UGT2B4: variants seen among roughly 807,000 people sequenced by gnomAD.
UGT2B4 encodes the protein UDP-glucuronosyltransferase 2B4.
A neutral mutation model predicts 49.8 loss-of-function variants in UGT2B4; 49 were observed. The ratio of observed to expected loss-of-function variants is 0.98; its 90% CI spans 0.78 to 1.25. UGT2B4 has a LOEUF of 1.25. Among genes scored for constraint, UGT2B4 ranks in the 50% most tolerant of loss-of-function variants. UGT2B4 has a pLI of 0.00. For synonymous variants in UGT2B4, 246 were observed against 217.7 expected (o/e 1.13, Z -1.14); for missense variants, 729 against 627.7 (o/e 1.16, Z -1.73).
At position 69,493,758 on chromosome 4, in the gene UGT2B4, G is replaced by A. The variant is rs771259002; in HGVS notation, c.805C>T (p.Pro269Ser). The A allele has an allele frequency of 5.0e-6, 8 of 1,611,930 alleles. No homozygotes were observed. The highest frequency in any genetic ancestry group is 3.3e-5 in the Admixed American group (2 of 59,732). ...RNYWDFQFPH[P>S]LLPNVEFVGG... ...ACGAACTCAACATTTGGTAAGAGTG[G>A]GTGAGGAAATTGAAAATCCCAGTAG... Residue 269 changes from proline (P) to serine (S), a missense_variant, in exon 2 of 6, where the codon CCA (proline) becomes TCA (serine). Pro to Ser is a moderately conservative substitution (Grantham distance 74). Transcript: ENST00000305107.
chr4:69,494,564 G>A (rs189570212), intron 1 of UGT2B4, among the ~76,000 whole-genome samples: 23 of 152,104 alleles, frequency 1.5e-4, no homozygotes, highest in African/African-American at 5.1e-4. Flanking sequence ...AAAATAAATG[G>A]TTTCCAATCC....
At chr4:69,517,277 A>G (rs530755611) in intron 1 of UGT2B4, among the ~76,000 whole-genome samples, 1 of 152,288 alleles carries the variant, frequency 6.6e-6, no homozygotes, top group East Asian at 1.9e-4. Context: ...ATTTCAATAT[A>G]ACCAGCAATA....
chr4:69,481,005 G>C (rs181043177), intron 5 of UGT2B4, 95 bp from the exon 6 acceptor site: 1 of 1,415,566 alleles, frequency 7.1e-7, no homozygotes, highest in Non-Finnish European at 9.6e-7. Flanking sequence ...TTCCGAGGTC[G>C]AGGCGGGCGG....
intron 5 of UGT2B4, among the ~76,000 whole-genome samples, 180 bp from the exon 6 acceptor site, chr4:69,481,090 TGAAAAAA>T: frequency 2.9e-4 from 1 of 3,460 alleles, no homozygotes; most frequent in African/African-American, 1.0e-3. Context: ...AGTAAAAATA[TGAAAAAA>T]AAAAAAAAAA....
exon 1 of UGT2B4, chr4:69,525,756 G>T: frequency 8.0e-7 from 1 of 1,249,664 alleles, no homozygotes; most frequent in Non-Finnish European, 1.0e-6. Flanking sequence ...TGCTCAAGCA[G>T]CTCACATGTT....
At chr4:69,494,378 A>G (rs1417548095) in intron 1 of UGT2B4, among the ~76,000 whole-genome samples, 1 of 152,178 alleles carries the variant, frequency 6.6e-6, no homozygotes, top group Admixed American at 6.6e-5. Flanking sequence ...TAATAATATT[A>G]GTTTTTAGGT....
intron 4 of UGT2B4, 197 bp downstream of exon 4, chr4:69,486,412 T>A: frequency 3.0e-6 from 1 of 331,534 alleles, no homozygotes; most frequent in Non-Finnish European, 5.4e-6. Flanking sequence ...ACTCTGATTG[T>A]AAAGAATGTG....
chr4:69,480,423 CATT>C lies in UGT2B4; in HGVS notation c.*208_*210del. The C allele has an allele frequency of 1.7e-6, 1 of 600,708 alleles. No homozygotes were observed. Among genetic ancestry groups the C allele is most frequent in the Non-Finnish European group, 2.7e-6 (1 of 364,654 alleles). The allele number at this position is 600,708 out of a possible 1,614,324, so 37.2% of individuals were successfully genotyped here. Reference sequence around the variant, plus strand: ...AATATAACCTCATATGGCTTTATATCATTTTTGTTTTCCCTAATGTTTTCCTCC... The same window carrying C: ...AATATAACCTCATATGGCTTTATATCTTTGTTTTCCCTAATGTTTTCCTCC... On this transcript the variant is annotated 3_prime_UTR_variant, in exon 6 of 6. Transcript: ENST00000305107.
intron 5 of UGT2B4, among the ~76,000 whole-genome samples, chr4:69,483,780 G>GA (rs1471116463): frequency 6.6e-6 from 1 of 151,950 alleles, no homozygotes; most frequent in African/African-American, 2.4e-5. Flanking sequence ...TTTGGAGTAT[G>GA]AAAAAATCAA....
intron 1 of UGT2B4, among the ~76,000 whole-genome samples, chr4:69,501,945 T>A (rs1728328890): frequency 2.0e-5 from 3 of 152,250 alleles, no homozygotes; most frequent in Admixed American, 1.3e-4. Flanking sequence ...TGCAGAGATC[T>A]GTGGGAGAAG....
chr4:69,499,104 C>T (rs1728237327), upstream of UGT2B4, among the ~76,000 whole-genome samples: 2 of 152,126 alleles, frequency 1.3e-5, no homozygotes, highest in African/African-American at 4.8e-5. Flanking sequence ...TGATTTCTGC[C>T]TTAATTTCAT....
rs1560439118 is a variant in UGT2B4, at chr4:69,502,126, T to TTTCTTTCTTTCTTTCTTTCTTTC, written c.-105-6183_-105-6161dup. Among the ~76,000 whole-genome samples the TTTCTTTCTTTCTTTCTTTCTTTC allele has an allele frequency of 1.4e-3, 206 of 143,530 alleles. 3 individuals carry two copies. The highest frequency in any genetic ancestry group is 5.2e-3 in the African/African-American group (194 of 37,426). The allele number at this position is 143,530 out of a possible 152,430, so 94.2% of individuals were successfully genotyped here. A position where few individuals can be genotyped will look rare whatever the true frequency, so the allele number is the denominator to read the frequency against. The stretch of plus-strand genomic sequence containing the variant: ...CTTTCTTTCTTTCTTTCTTTCTTTC[T>TTTCTTTCTTTCTTTCTTTCTTTC]TTCTTTCTTTCTTTCTTTCTTTCTC... On this transcript the variant is annotated intron_variant, in intron 1 of 1. Transcript: ENST00000510114.
chr4:69,487,883 A>G (rs1348127860), intron 3 of UGT2B4, among the ~76,000 whole-genome samples: 3 of 152,124 alleles, frequency 2.0e-5, no homozygotes, highest in Admixed American at 2.0e-4. Flanking sequence ...AATGTATTTT[A>G]TGAGTTTTCA....
chr4:69,481,167 G>T (rs563787699), intron 5 of UGT2B4, among the ~76,000 whole-genome samples: 1 of 148,984 alleles, frequency 6.7e-6, no homozygotes, highest in African/African-American at 2.5e-5. Context: ...TACTTGAGAG[G>T]CTGAGGCAGG....
At chr4:69,505,736 C>G (rs758915077) in intron 1 of UGT2B4, among the ~76,000 whole-genome samples, 1 of 152,150 alleles carries the variant, frequency 6.6e-6, no homozygotes, top group Non-Finnish European at 1.5e-5. Context: ...CTGCAGAACT[C>G]TCCACCCCAA....
upstream of UGT2B4, among the ~76,000 whole-genome samples, chr4:69,496,383 C>G (rs1476118170): frequency 6.6e-6 from 1 of 152,172 alleles, no homozygotes; most frequent in African/African-American, 2.4e-5. Context: ...GACTCATCAC[C>G]TGACTCATGT....
At chr4:69,494,779 C>T (rs951648961) in intron 1 of UGT2B4, among the ~76,000 whole-genome samples, 3 of 152,098 alleles carry the variant, frequency 2.0e-5, no homozygotes, top group Admixed American at 1.3e-4. Flanking sequence ...AAATGTGTAA[C>T]TACTCAATCT....
At chr4:69,491,986 T>G (rs2109811134) in intron 2 of UGT2B4, among the ~76,000 whole-genome samples, 1 of 152,260 alleles carries the variant, frequency 6.6e-6, no homozygotes, top group East Asian at 1.9e-4. Flanking sequence ...ATAAAAATGC[T>G]TACTTTCTAC....
Position 69,493,703 on chromosome 4 carries a change from G to T in UGT2B4, c.860C>A (p.Pro287His), listed in dbSNP as rs201136544. ...ACAGTAATAGTTTACCTTCGGTAGG[G>T]GTTTGGCAGGTTTGCAGTGGAGTCC... ...VGGLHCKPAK[P>H]LPKEMEEFVQ... The change falls in exon 2 of 6, where the codon CCC becomes CAC. Residue 287 changes from proline (P) to histidine (H), a missense_variant. Physicochemically the swap from Pro to His is moderately conservative, Grantham distance 77 (BLOSUM62 -2). Coordinates refer to ENST00000305107, the MANE Select transcript of UGT2B4 (RefSeq NM_021139.3). 5 of 1,607,112 alleles carry T rather than the reference G, an allele frequency of 3.1e-6. No individual in the cohort carries two copies. In the African/African-American group the frequency reaches 6.7e-5, roughly 22 times the overall value.
Sources: gnomAD v4.1 joint callset for allele counts (sites outside exome capture counted in the v4.1 genomes callset) on GRCh38, gnomAD v4.1.1 for gene constraint, MANE v1.5 for transcripts, NCBI Gene and HGNC (gene_info 2026-07-23, HGNC 2026-07-21) for gene names.